Variants in ASTN2 observed in about 807,000 individuals in gnomAD.
ASTN2 encodes the protein astrotactin-2.
A neutral mutation model predicts 139.8 loss-of-function variants in ASTN2; 54 were observed. That is an observed-to-expected ratio of 0.39 (90% CI 0.31 to 0.48). The LOEUF is 0.48. Among genes scored for constraint, ASTN2 ranks in the 20% least tolerant of loss-of-function variants. ASTN2 has a pLI of 0.95. For missense variants in ASTN2, 1,565 were observed against 1,725.1 expected (o/e 0.91, Z 1.64); for synonymous variants, 756 against 719.5 (o/e 1.05, Z -0.81).
Position 116,976,759 on chromosome 9 carries a change from C to T in ASTN2, c.1618G>A (p.Ala540Thr). The T allele has an allele frequency of 6.2e-7, 1 of 1,614,062 alleles. No homozygotes were observed. Among genetic ancestry groups the T allele is most frequent in the Non-Finnish European group, 8.5e-7 (1 of 1,179,970 alleles). ...TGECSCHEGY[A>T]PDPVHRHLCV... ...AGGTGTCTGTGAACAGGGTCAGGGG[C>T]ATAGCCTTCATGACAGCTGCACTCT... The change falls in exon 8 of 23, where the codon GCC becomes ACC. Residue 540 changes from alanine (A) to threonine (T), a missense_variant. By Grantham distance (58) the Ala-to-Thr change is moderately conservative. Around this residue, in one of 4 missense-constraint regions of ASTN2, gnomAD observed 503 missense variants for 591.7 expected, o/e 0.85. Coordinates refer to ENST00000313400, the MANE Select transcript of ASTN2 (RefSeq NM_001365068.1).
chr9:117,043,085 G>A (rs188561332), intron 5 of ASTN2, among the ~76,000 whole-genome samples: 3 of 152,204 alleles, frequency 2.0e-5, no homozygotes, highest in African/African-American at 7.2e-5. Flanking sequence ...TGGCCAGGCT[G>A]GTCTTGAACT....
intron 19 of ASTN2, among the ~76,000 whole-genome samples, chr9:116,615,363 T>C (rs1855788184): frequency 6.6e-6 from 1 of 152,134 alleles, no homozygotes. Context: ...GACCCAGCCA[T>C]CCCATTACTG....
At chr9:116,585,851 A>G (rs1025743315) in intron 19 of ASTN2, 18 of 152,192 alleles carry the variant, frequency 1.2e-4, no homozygotes, top group African/African-American at 4.1e-4. Flanking sequence ...ACAGCAAAAG[A>G]AATTATCAAT....
intron 5 of ASTN2, among the ~76,000 whole-genome samples, chr9:117,094,158 G>A (rs1378073439): frequency 1.5e-5 from 2 of 137,132 alleles, no homozygotes; most frequent in Non-Finnish European, 3.2e-5. Flanking sequence ...GAGGGAGAAA[G>A]GGAGGAAGGG....
chr9:116,502,498 A>T (rs952295776), intron 19 of ASTN2, among the ~76,000 whole-genome samples: 1 of 147,350 alleles, frequency 6.8e-6, no homozygotes. Context: ...AGAGAACCAG[A>T]AATAAAAATG....
chr9:117,008,870 G>A (rs1251874792), intron 6 of ASTN2, among the ~76,000 whole-genome samples: 1 of 152,092 alleles, frequency 6.6e-6, no homozygotes, highest in East Asian at 1.9e-4. Flanking sequence ...TGTGTTGTTT[G>A]TTTTTGTTTT....
At chr9:117,148,569 G>A (rs1242648801) in intron 3 of ASTN2, among the ~76,000 whole-genome samples, 1 of 152,096 alleles carries the variant, frequency 6.6e-6, no homozygotes, top group South Asian at 2.1e-4. Flanking sequence ...AGCAGACCAA[G>A]GTCTAGCACT....
intron 4 of ASTN2, among the ~76,000 whole-genome samples, chr9:117,127,976 G>C (rs960936880): frequency 2.0e-5 from 3 of 151,958 alleles, no homozygotes; most frequent in African/African-American, 7.3e-5. Context: ...CACCGCTCCC[G>C]GCCGGGTTTT....
chr9:116,754,927 C>A (rs757480051), intron 13 of ASTN2, among the ~76,000 whole-genome samples: 4 of 152,146 alleles, frequency 2.6e-5, no homozygotes, highest in African/African-American at 4.8e-5. Flanking sequence ...CAGGCCCACA[C>A]CTTCTGATCT....
intron 4 of ASTN2, among the ~76,000 whole-genome samples, chr9:117,136,623 G>A (rs920398182): frequency 6.6e-6 from 1 of 152,194 alleles, no homozygotes; most frequent in African/African-American, 2.4e-5. Context: ...TCACCCAGCT[G>A]TCAGGGTAGA....
At chr9:116,846,753 T>C (rs1426624735) in intron 11 of ASTN2, among the ~76,000 whole-genome samples, 1 of 152,178 alleles carries the variant, frequency 6.6e-6, no homozygotes, top group Non-Finnish European at 1.5e-5. Flanking sequence ...TCTCCCATCT[T>C]GGACATTCTA....
chr9:117,077,987 G>A (rs1012794250), intron 5 of ASTN2, among the ~76,000 whole-genome samples: 1 of 152,126 alleles, frequency 6.6e-6, no homozygotes, highest in African/African-American at 2.4e-5. Context: ...TGCTTATGCT[G>A]ACCTGTAATA....
intron 7 of ASTN2, among the ~76,000 whole-genome samples, chr9:117,000,884 G>T (rs1012344348): frequency 2.0e-5 from 3 of 152,164 alleles, no homozygotes; most frequent in Non-Finnish European, 4.4e-5. Flanking sequence ...CTATCAACAT[G>T]CCATCACTGA....
At chr9:116,717,665 C>T (rs1017541270) in intron 16 of ASTN2, among the ~76,000 whole-genome samples, 1 of 152,130 alleles carries the variant, frequency 6.6e-6, no homozygotes, top group Admixed American at 6.5e-5. Flanking sequence ...AGTTTAGATT[C>T]AGAGGTGACT....
chr9:117,378,525 T>C lies in ASTN2; in HGVS notation c.442+35972A>G, dbSNP rs186844939. On this transcript the variant is annotated intron_variant, in intron 1 of 22. Coordinates refer to ENST00000313400, the MANE Select transcript of ASTN2 (RefSeq NM_001365068.1). ...AGAAAACACCATTCTCAGGGAGACA[T>C]TACGAACATCAGTTGTTCCCTTTCC... Among the ~76,000 whole-genome samples, 162 of 152,284 alleles carry C rather than the reference T, an allele frequency of 1.1e-3. 1 individual carries two copies. The highest frequency in any genetic ancestry group is 2.0e-3 in the Non-Finnish European group (138 of 68,030).
At chr9:116,796,752 A>C (rs1830701259) in intron 13 of ASTN2, among the ~76,000 whole-genome samples, 1 of 152,196 alleles carries the variant, frequency 6.6e-6, no homozygotes, top group Non-Finnish European at 1.5e-5. Flanking sequence ...ATTACATAGT[A>C]TAGTCCCCAT....
At chr9:116,584,674 T>G (rs552448459) in intron 19 of ASTN2, 1 of 152,290 alleles carries the variant, frequency 6.6e-6, no homozygotes, top group South Asian at 2.1e-4. Flanking sequence ...GTTCATATAG[T>G]ACTAAAAGTC....
intron 1 of ASTN2, among the ~76,000 whole-genome samples, chr9:117,301,552 C>G (rs1834875530): frequency 6.6e-6 from 1 of 152,110 alleles, no homozygotes; most frequent in Non-Finnish European, 1.5e-5. Flanking sequence ...TTCACAGATT[C>G]CAAATTCAGT....
chr9:117,305,986 G>A (rs1165332100), intron 1 of ASTN2, among the ~76,000 whole-genome samples: 1 of 152,182 alleles, frequency 6.6e-6, no homozygotes, highest in East Asian at 1.9e-4. Flanking sequence ...CATCATTTGA[G>A]ATCACTTGCT....
Sources: gnomAD v4.1 joint callset for allele counts (sites outside exome capture counted in the v4.1 genomes callset) on GRCh38, gnomAD v4.1.1 for gene constraint, gnomAD v4.1.1 regional missense constraint, MANE v1.5 for transcripts, NCBI Gene and HGNC (gene_info 2026-07-23, HGNC 2026-07-21) for gene names.